Variants in ASTN2 observed in about 807,000 individuals in gnomAD.
The protein encoded by ASTN2 is astrotactin 2.
Under a neutral mutation model 139.8 loss-of-function variants are expected in ASTN2, and 54 were observed. That is an observed-to-expected ratio of 0.39 (90% CI 0.31 to 0.48). The LOEUF is 0.48. Ranked by LOEUF, ASTN2 falls within the 20% of genes least tolerant of loss-of-function variation. ASTN2 has a pLI of 0.95. For missense variants in ASTN2, 1,565 were observed against 1,725.1 expected (o/e 0.91, Z 1.64); for synonymous variants, 756 against 719.5 (o/e 1.05, Z -0.81).
At chr9:117,036,673 G>A (rs1838393417) in intron 6 of ASTN2, among the ~76,000 whole-genome samples, 1 of 152,096 alleles carries the variant, frequency 6.6e-6, no homozygotes, top group Non-Finnish European at 1.5e-5. Flanking sequence ...TATTCAAATT[G>A]GCCAATCTCA....
At chr9:116,778,443 C>T (rs948742322) in intron 13 of ASTN2, among the ~76,000 whole-genome samples, 2 of 151,664 alleles carry the variant, frequency 1.3e-5, no homozygotes, top group African/African-American at 4.8e-5. Flanking sequence ...TATCAGTGTG[C>T]TTATTATTTG....
intron 1 of ASTN2, among the ~76,000 whole-genome samples, chr9:117,341,416 T>C (rs1051733580): frequency 6.6e-6 from 1 of 152,028 alleles, no homozygotes; most frequent in Admixed American, 6.6e-5. Context: ...GGGCAGAAAC[T>C]TTCCTGTTCT....
At chr9:116,558,486 A>G (rs1196248466) in intron 19 of ASTN2, among the ~76,000 whole-genome samples, 1 of 152,168 alleles carries the variant, frequency 6.6e-6, no homozygotes. Flanking sequence ...GGGGACCAAG[A>G]GAGCTTATGG....
intron 3 of ASTN2, among the ~76,000 whole-genome samples, chr9:117,145,691 G>GTTGA (rs1203798263): frequency 2.6e-5 from 4 of 152,050 alleles, no homozygotes; most frequent in South Asian, 4.2e-4. Flanking sequence ...AAATTCCTAT[G>GTTGA]TTGATTCTTT....
intron 2 of ASTN2, among the ~76,000 whole-genome samples, chr9:117,269,890 C>T (rs575290622): frequency 3.0e-4 from 46 of 152,320 alleles, no homozygotes; most frequent in African/African-American, 1.1e-3. Context: ...GGGGCACATA[C>T]TCTGCAAGAG....
intron 5 of ASTN2, among the ~76,000 whole-genome samples, chr9:117,087,218 TTTTGTTTGTTTG>T (rs150670523): frequency 2.7e-5 from 4 of 150,430 alleles, no homozygotes; most frequent in South Asian, 2.1e-4. Flanking sequence ...ATTTTTTTCT[TTTTGTTTGTTTG>T]TTTGTTTGTT....
intron 19 of ASTN2, among the ~76,000 whole-genome samples, chr9:116,498,679 T>C (rs1007175230): frequency 6.6e-6 from 1 of 152,094 alleles, no homozygotes; most frequent in Admixed American, 6.5e-5. Flanking sequence ...GGATTTATAA[T>C]CTGCAAAACA....
intron 12 of ASTN2, among the ~76,000 whole-genome samples, chr9:116,807,308 C>T (rs905802408): frequency 6.6e-6 from 1 of 152,172 alleles, no homozygotes; most frequent in Admixed American, 6.5e-5. Flanking sequence ...AGATATAGAG[C>T]TGAACTGGAG....
intron 13 of ASTN2, among the ~76,000 whole-genome samples, chr9:116,771,892 T>C (rs922748022): frequency 6.6e-6 from 1 of 152,124 alleles, no homozygotes; most frequent in Non-Finnish European, 1.5e-5. Flanking sequence ...AGAGAACATC[T>C]AGGGTACATG....
chr9:117,110,862 C>A (rs1480254304), intron 4 of ASTN2, among the ~76,000 whole-genome samples: 1 of 152,066 alleles, frequency 6.6e-6, no homozygotes, highest in Non-Finnish European at 1.5e-5. Context: ...TGGATGGATC[C>A]CAGATCAAGT....
chr9:117,046,976 T>C (rs565686122), intron 5 of ASTN2, among the ~76,000 whole-genome samples: 91 of 152,284 alleles, frequency 6.0e-4, no homozygotes, highest in Non-Finnish European at 1.1e-3. Flanking sequence ...TGGTCAGAAA[T>C]CATACAAAAA....
intron 16 of ASTN2, among the ~76,000 whole-genome samples, chr9:116,703,693 A>T (rs939304335): frequency 1.3e-5 from 2 of 149,968 alleles, no homozygotes; most frequent in Non-Finnish European, 1.5e-5. Context: ...AACCTGCACA[A>T]TGTGCACATG....
chr9:116,750,543 A>ACTCT (rs71379224), intron 13 of ASTN2, among the ~76,000 whole-genome samples: 55 of 150,544 alleles, frequency 3.7e-4, no homozygotes, highest in Admixed American at 1.5e-3. Flanking sequence ...TTCCTTGTTC[A>ACTCT]CTCTCTCTCT....
chr9:117,336,489 A>T (rs1302675561), intron 1 of ASTN2, among the ~76,000 whole-genome samples: 1 of 152,116 alleles, frequency 6.6e-6, no homozygotes, highest in Non-Finnish European at 1.5e-5. Flanking sequence ...AGATCTCTTG[A>T]TCCCCATCTC....
chr9:116,726,032 C>T, intron 15 of ASTN2, 82 bp from the exon 16 acceptor site: 1 of 1,406,130 alleles, frequency 7.1e-7, no homozygotes, highest in Non-Finnish European at 9.6e-7. Flanking sequence ...GGAGTTCTTC[C>T]CAACCTGTAT....
intron 16 of ASTN2, among the ~76,000 whole-genome samples, chr9:116,666,277 T>C (rs1402684123): frequency 6.6e-6 from 1 of 152,204 alleles, no homozygotes; most frequent in Non-Finnish European, 1.5e-5. Flanking sequence ...GCCTGAGTAA[T>C]TCAGGTGGTA....
chr9:116,800,510 AGCT>A (rs1830819371), intron 13 of ASTN2, among the ~76,000 whole-genome samples: 1 of 152,176 alleles, frequency 6.6e-6, no homozygotes, highest in Non-Finnish European at 1.5e-5. Flanking sequence ...CTGAAGAGGT[AGCT>A]CCCCATGGAG....
At chr9:116,565,823 A>G (rs1325712573) in intron 19 of ASTN2, among the ~76,000 whole-genome samples, 1 of 152,106 alleles carries the variant, frequency 6.6e-6, no homozygotes, top group Non-Finnish European at 1.5e-5. Context: ...CTCCAATCCA[A>G]TAAGTTGACT....
intron 17 of ASTN2, among the ~76,000 whole-genome samples, chr9:116,642,745 C>T (rs10983290): frequency 0.53 from 80,025 of 151,942 alleles, 22,196 homozygotes; most frequent in East Asian, 0.86. Flanking sequence ...CAGTCCTGGT[C>T]CCCGCAATTC....
Sources: gnomAD v4.1 joint callset for allele counts (sites outside exome capture counted in the v4.1 genomes callset) on GRCh38, gnomAD v4.1.1 for gene constraint, MANE v1.5 for transcripts, NCBI Gene and HGNC (gene_info 2026-07-23, HGNC 2026-07-21) for gene names.